TRABD2A: variants seen among roughly 807,000 people sequenced by gnomAD.
The protein encoded by TRABD2A is TraB domain containing 2A.
In TRABD2A, 43 loss-of-function variants were observed where a neutral mutation model predicts 45.6. The ratio of observed to expected loss-of-function variants is 0.94; its 90% CI spans 0.74 to 1.22. TRABD2A has a LOEUF of 1.22. Ranked by LOEUF, TRABD2A falls within the 50% of genes most tolerant of loss-of-function variation. The pLI is 0.00. For synonymous variants in TRABD2A, 269 were observed against 265.0 expected, an observed-to-expected ratio of 1.02 and a Z score of -0.15; for missense variants, 642 against 652.4, an observed-to-expected ratio of 0.98 and a Z score of 0.17.
In TRABD2A at chr2:84,832,408, G is replaced by A; in HGVS notation, c.992-263C>T. 6.4e-6 allele frequency: 3 copies of A among 466,204 alleles called. No individual in the cohort carries two copies. In the South Asian group the frequency reaches 8.6e-5, roughly 13 times the overall value. 28.9% of individuals were successfully genotyped at this position (466,204 alleles called of 1,614,324 possible). On this transcript the variant is annotated intron_variant, in intron 4 of 6. Coordinates refer to ENST00000409520, the MANE Select transcript of TRABD2A (RefSeq NM_001277053.2). ...GTTACCTGAAGTCACAAAGCTAAGG[G>A]GATAGCCTGGACATCAAACTGCAAC...
At chr2:84,880,044 T>G (rs941359098) in intron 1 of TRABD2A, among the ~76,000 whole-genome samples, 10 of 130,896 alleles carry the variant, frequency 7.6e-5, no homozygotes, top group Non-Finnish European at 1.4e-4. Flanking sequence ...AAGCCTGGCA[T>G]GGCCCTCTCC....
At chr2:84,829,703 C>A (rs1176059655) in intron 5 of TRABD2A, among the ~76,000 whole-genome samples, 1 of 150,874 alleles carries the variant, frequency 6.6e-6, no homozygotes, top group Non-Finnish European at 1.5e-5. Context: ...ACACACACAC[C>A]AAACATGCAC....
chr2:84,859,712 G>A (rs1417094861), intron 2 of TRABD2A, among the ~76,000 whole-genome samples: 1 of 152,176 alleles, frequency 6.6e-6, no homozygotes, highest in Non-Finnish European at 1.5e-5. Flanking sequence ...CACCCAGAGG[G>A]CCGGTTAGAT....
chr2:84,839,918 A>G (rs553958127), intron 3 of TRABD2A, among the ~76,000 whole-genome samples: 7 of 152,174 alleles, frequency 4.6e-5, no homozygotes, highest in Non-Finnish European at 1.0e-4. Flanking sequence ...ATGAAAGTGC[A>G]TCAAAATTGT....
intron 2 of TRABD2A, among the ~76,000 whole-genome samples, chr2:84,865,500 CT>C (rs1559096618): frequency 6.6e-6 from 1 of 152,240 alleles, no homozygotes. Flanking sequence ...AAGATGCAGG[CT>C]TTGCATGTGG....
At chr2:84,831,939 G>A (rs1192273) in intron 5 of TRABD2A, 116 bp downstream of exon 5, 173,442 of 976,912 alleles carry the variant, frequency 0.18, 16,893 homozygotes, top group African/African-American at 0.34. Context: ...AAGTGTGGGG[G>A]AAATGACGAG....
At chr2:84,849,109 C>A (rs1235996765) in intron 2 of TRABD2A, among the ~76,000 whole-genome samples, 3 of 147,074 alleles carry the variant, frequency 2.0e-5, no homozygotes, top group African/African-American at 7.6e-5. Context: ...TTAGGAAACC[C>A]CTTGCTGCAG....
intron 5 of TRABD2A, among the ~76,000 whole-genome samples, chr2:84,827,668 ATTAAG>A (rs1681190102): frequency 1.3e-5 from 2 of 152,236 alleles, no homozygotes; most frequent in Admixed American, 1.3e-4. Context: ...TTGCAGGTGT[ATTAAG>A]TTAAGGACCT....
chr2:84,875,874 T>C (rs1336356113), intron 1 of TRABD2A, among the ~76,000 whole-genome samples: 4 of 151,852 alleles, frequency 2.6e-5, no homozygotes, highest in Non-Finnish European at 5.9e-5. Flanking sequence ...GCACCTCCAG[T>C]CCCAGCTACT....
intron 3 of TRABD2A, 136 bp downstream of exon 3, chr2:84,841,724 AT>A (rs1681715659): frequency 1.1e-6 from 1 of 948,928 alleles, no homozygotes; most frequent in Non-Finnish European, 1.4e-6. Context: ...ATTCAATGAC[AT>A]CTAAATCTGC....
In TRABD2A at chr2:84,830,084, C is replaced by T. The variant is rs184864737; in HGVS notation, c.1082+1971G>A. ...CCTCTCCAGCACCCTAAGGACAGTG[C>T]GTTGAACCCCAGGCCAGTCAGCCCA... On this transcript the variant is annotated intron_variant, in intron 5 of 6. Coordinates refer to ENST00000409520, the MANE Select transcript of TRABD2A (RefSeq NM_001277053.2). The surrounding 1 kb of genome is among the most constrained non-coding windows in gnomAD (Gnocchi z 4.9). 5.9e-5 allele frequency among the ~76,000 whole-genome samples: 9 copies of T among 152,218 alleles called. No individual in the cohort carries two copies. The highest frequency in any genetic ancestry group is 1.3e-4 in the Non-Finnish European group (9 of 67,998).
Position 84,861,724 on chromosome 2 carries a change from C to T in TRABD2A, c.669+8501G>A, listed in dbSNP as rs149979340. The stretch of plus-strand genomic sequence containing the variant: ...ACAGAGCATCCCAGAGCTGTCCTTT[C>T]CCCGAAAGTCAGGCAGCAGCAACCT... On this transcript the variant is annotated intron_variant, in intron 2 of 6. Transcript: ENST00000409520. Among the ~76,000 whole-genome samples, 240 of 152,312 alleles carry T rather than the reference C, an allele frequency of 1.6e-3. 1 individual carries two copies. The highest frequency in any genetic ancestry group is 5.7e-3 in the African/African-American group (236 of 41,570).
Position 84,870,399 on chromosome 2 carries a change from A to C in TRABD2A, c.495T>G (p.Pro165=), listed in dbSNP as rs769426166. 1.2e-6 allele frequency: 2 copies of C among 1,614,046 alleles called. No individual in the cohort carries two copies. Among genetic ancestry groups the C allele is most frequent in the South Asian group, 2.2e-5 (2 of 91,086 alleles). ...AGTTGACCATGAGCATCACCCAGACAGGCCTCTTGCGCTCCCAGTTTCCGG... is the reference window on the plus strand; with the variant it reads ...AGTTGACCATGAGCATCACCCAGACCGGCCTCTTGCGCTCCCAGTTTCCGG... ...AIAGNWERKR[P]VWVMLMVNSL... The change falls in exon 2 of 7, where the codon CCT becomes CCG. Residue 165 remains proline, a synonymous_variant. Transcript: ENST00000409520.
chr2:84,840,559 A>G (rs1239416331), intron 3 of TRABD2A, among the ~76,000 whole-genome samples: 1 of 152,234 alleles, frequency 6.6e-6, no homozygotes, highest in Admixed American at 6.5e-5. Flanking sequence ...TGGGAAAGCC[A>G]CAGGAGAAAA....
intron 3 of TRABD2A, among the ~76,000 whole-genome samples, chr2:84,839,798 C>A (rs1264108705): frequency 6.6e-6 from 1 of 152,230 alleles, no homozygotes; most frequent in African/African-American, 2.4e-5. Context: ...TATTTCTCCA[C>A]TTCCTATTTC....
In TRABD2A at chr2:84,836,950, C is replaced by T. The variant is rs186304288; in HGVS notation, c.991+2199G>A. On this transcript the variant is annotated intron_variant, in intron 4 of 6. Coordinates refer to ENST00000409520, the MANE Select transcript of TRABD2A (RefSeq NM_001277053.2). ...GTATTGGTGAGATATTGTTCTCAAACTTTCCTTTAATTCTTTAGATATGGT... is the reference window on the plus strand; with the variant it reads ...GTATTGGTGAGATATTGTTCTCAAATTTTCCTTTAATTCTTTAGATATGGT... 14 of 138,896 alleles carry T rather than the reference C, an allele frequency of 1.0e-4. No homozygotes were observed. The East Asian group carries it at 2.7e-3, about 27-fold the overall frequency. 8.6% of individuals were successfully genotyped at this position (138,896 alleles called of 1,614,324 possible).
intron 2 of TRABD2A, chr2:84,850,620 C>T (rs1682052084): frequency 6.6e-6 from 1 of 152,040 alleles, no homozygotes; most frequent in African/African-American, 2.4e-5. Flanking sequence ...GTTTGCCCCT[C>T]CCCTCATCAA....
rs946618141 is a variant in TRABD2A at position 84,830,780 on chromosome 2, C to A, written c.1082+1275G>T. 1.3e-5 allele frequency among the ~76,000 whole-genome samples: 2 copies of A among 152,060 alleles called. No homozygotes were observed. The highest frequency in any genetic ancestry group is 4.8e-5 in the African/African-American group (2 of 41,390). On this transcript the variant is annotated intron_variant, in intron 5 of 6. Transcript: ENST00000409520. This position sits in a 1 kb window ranked among gnomAD's most constrained non-coding sequence, Gnocchi z 4.9. ...GATTTCCCGCCTGAAGGGAGACTGG[C>A]AGGAGCCTCTGGGGTGAGGGGGAAC... is the stretch of plus-strand genomic sequence containing the variant.
intron 2 of TRABD2A, among the ~76,000 whole-genome samples, chr2:84,850,210 C>G (rs1207969206): frequency 6.6e-6 from 1 of 152,018 alleles, no homozygotes; most frequent in Non-Finnish European, 1.5e-5. Flanking sequence ...GCACAATCCC[C>G]TGGGAAAAAA....
Sources: allele counts gnomAD v4.1 joint callset (sites outside exome capture counted in the v4.1 genomes callset), GRCh38; gene constraint gnomAD v4.1.1; non-coding constraint Gnocchi (gnomAD v3.1); transcripts MANE v1.5; gene names NCBI Gene and HGNC (gene_info 2026-07-23, HGNC 2026-07-21).